Variants in XPO4 observed in about 807,000 individuals in gnomAD.
XPO4 encodes the protein exportin 4.
XPO4 carries 39 observed loss-of-function variants against 143.0 expected under a neutral mutation model. The ratio of observed to expected loss-of-function variants is 0.27; its 90% confidence interval spans 0.21 to 0.36. The LOEUF (loss-of-function observed/expected upper bound fraction) is 0.36, where lower values mean the gene tolerates loss of function less well. Among genes scored for constraint, XPO4 ranks in the 10% least tolerant of loss-of-function variants. The pLI is 1.00. For missense variants in XPO4, 907 were observed against 1,348.0 expected (o/e 0.67, Z 5.12); for synonymous variants, 439 against 474.0 (o/e 0.93, Z 0.96).
chr13:20,884,154 C>T lies in XPO4; in HGVS notation c.70-15453G>A, dbSNP rs766400300. Among the ~76,000 whole-genome samples, 74 of 152,110 alleles carry T rather than the reference C, an allele frequency of 4.9e-4. 1 individual carries two copies. Among genetic ancestry groups the T allele is most frequent in the Non-Finnish European group, 9.0e-4 (61 of 68,028 alleles). Reference sequence around the variant, plus strand: ...CTTTGGGAGGCGGAGGCAGGAGGATCGCTTAAGCCCAGGAGTTCAAGACTG... The same window carrying T: ...CTTTGGGAGGCGGAGGCAGGAGGATTGCTTAAGCCCAGGAGTTCAAGACTG... On this transcript the variant is annotated intron_variant, in intron 1 of 22. Transcript: ENST00000255305.
rs936537932 is a variant in XPO4 at position 20,797,115 on chromosome 13, G to A, written c.2323-58C>T. 8.7e-5 allele frequency: 127 copies of A among 1,464,744 alleles called. 1 individual carries two copies. In the Admixed American group the frequency reaches 2.9e-3, roughly 34 times the overall value. The allele number at this position is 1,464,744 out of a possible 1,614,324, so 90.7% of individuals were successfully genotyped here. On this transcript the variant is annotated intron_variant, in intron 16 of 22. Transcript: ENST00000255305. ...TCAGTTCTCATGCTTTATTTCCTCT[G>A]CTTGGATACATATTCACTTTCCAAA...
At position 20,800,218 on chromosome 13, in the gene XPO4, A is replaced by G. The variant is rs2059413796; in HGVS notation, c.2085T>C (p.Ser695=). The G allele has an allele frequency of 6.2e-7, 1 of 1,614,082 alleles. No individual in the cohort carries two copies. Among genetic ancestry groups the G allele is most frequent in the African/African-American group, 1.3e-5 (1 of 74,946 alleles). ...CAGTGTCATTTGCAAGGTCCTGCTCACTACTCCAGACTGAGAGGTTACTGA... is the reference window on the plus strand; with the variant it reads ...CAGTGTCATTTGCAAGGTCCTGCTCGCTACTCCAGACTGAGAGGTTACTGA... ...KVISNLSVWS[S]EQDLANDTVQ... is the part of the protein sequence containing the mutation. The change falls in exon 15 of 23, where the codon AGT becomes AGC. Residue 695 remains serine (S), a synonymous_variant. Coordinates refer to ENST00000255305, the MANE Select transcript of XPO4 (RefSeq NM_022459.5).
At chr13:20,888,861 G>A (rs1404208546) in intron 1 of XPO4, among the ~76,000 whole-genome samples, 1 of 151,264 alleles carries the variant, frequency 6.6e-6, no homozygotes, top group Non-Finnish European at 1.5e-5. Flanking sequence ...GGAGTGCAAT[G>A]GTGCAATCTC....
chr13:20,838,071 G>A (rs957435197), intron 6 of XPO4, among the ~76,000 whole-genome samples: 5 of 152,022 alleles, frequency 3.3e-5, no homozygotes, highest in African/African-American at 7.2e-5. Flanking sequence ...GAGCCACTGC[G>A]CCCAGCCAAG....
At chr13:20,902,389 G>A (rs1427809739) in intron 1 of XPO4, 3 of 985,302 alleles carry the variant, frequency 3.0e-6, no homozygotes, top group Non-Finnish European at 3.6e-6. Flanking sequence ...GTGGGGCAGG[G>A]TGTAAGGTGA....
intron 1 of XPO4, among the ~76,000 whole-genome samples, chr13:20,901,332 T>A (rs2060618390): frequency 6.6e-6 from 1 of 152,154 alleles, no homozygotes; most frequent in Non-Finnish European, 1.5e-5. Flanking sequence ...GGACACTGAT[T>A]TTACCTGATC....
intron 1 of XPO4, among the ~76,000 whole-genome samples, chr13:20,886,329 C>CA (rs2060461102): frequency 6.6e-6 from 1 of 151,964 alleles, no homozygotes; most frequent in African/African-American, 2.4e-5. Context: ...ATGTATAAGC[C>CA]AGGCTGGGCG....
At chr13:20,872,444 C>G (rs2060307938) in intron 1 of XPO4, among the ~76,000 whole-genome samples, 2 of 152,166 alleles carry the variant, frequency 1.3e-5, no homozygotes, top group South Asian at 2.1e-4. Context: ...ACACCAGTGA[C>G]TTTATTTCTC....
At chr13:20,902,252 G>A (rs1174228297) in intron 1 of XPO4, 7 of 985,210 alleles carry the variant, frequency 7.1e-6, no homozygotes, top group Non-Finnish European at 8.4e-6. Context: ...CACCCAGGCT[G>A]TGCCATCCAA....
chr13:20,829,204 T>C (rs1350988906), intron 6 of XPO4, among the ~76,000 whole-genome samples: 1 of 152,148 alleles, frequency 6.6e-6, no homozygotes, highest in Non-Finnish European at 1.5e-5. Flanking sequence ...GTGATCCTCC[T>C]GGCTCAGCCT....
chr13:20,892,730 G>A (rs6490624), intron 1 of XPO4, among the ~76,000 whole-genome samples: 124,613 of 151,968 alleles, frequency 0.82, 51,271 homozygotes, highest in East Asian at 1. Context: ...CAAAAACATT[G>A]TAACATAGCC....
At chr13:20,862,380 G>C (rs1005807039) in intron 3 of XPO4, among the ~76,000 whole-genome samples, 2 of 152,086 alleles carry the variant, frequency 1.3e-5, no homozygotes, top group Admixed American at 1.3e-4. Flanking sequence ...TAAATAAAAG[G>C]TATTATTTCA....
chr13:20,831,876 G>A (rs2059857426), intron 6 of XPO4, among the ~76,000 whole-genome samples: 1 of 146,104 alleles, frequency 6.8e-6, no homozygotes, highest in Non-Finnish European at 1.5e-5. Context: ...AAGGGTTCCG[G>A]CAAGGGATCC....
intron 6 of XPO4, among the ~76,000 whole-genome samples, chr13:20,835,819 C>T (rs1484474237): frequency 6.6e-6 from 1 of 152,138 alleles, no homozygotes; most frequent in African/African-American, 2.4e-5. Context: ...TCTCTACTAT[C>T]ACTGAGACAG....
At chr13:20,893,449 G>A (rs868056144) in intron 1 of XPO4, among the ~76,000 whole-genome samples, 7 of 152,076 alleles carry the variant, frequency 4.6e-5, no homozygotes, top group East Asian at 3.9e-4. Context: ...AATGAAACAC[G>A]GTCTCCATGG....
chr13:20,874,759 C>T (rs1017401759), intron 1 of XPO4, among the ~76,000 whole-genome samples: 8 of 152,214 alleles, frequency 5.3e-5, no homozygotes, highest in African/African-American at 1.2e-4. Flanking sequence ...TTTGGGAGGC[C>T]GAGGCGGGTG....
At chr13:20,855,258 C>T (rs142910580) in intron 4 of XPO4, among the ~76,000 whole-genome samples, 17 of 152,190 alleles carry the variant, frequency 1.1e-4, no homozygotes, top group African/African-American at 4.1e-4. Flanking sequence ...GAGTTTGAGA[C>T]GAGCCTGACC....
At chr13:20,882,624 A>T (rs2060423141) in intron 1 of XPO4, among the ~76,000 whole-genome samples, 1 of 152,156 alleles carries the variant, frequency 6.6e-6, no homozygotes, top group Non-Finnish European at 1.5e-5. Context: ...GCAGTGGCTC[A>T]TGCTTGTAAT....
At chr13:20,882,046 G>C (rs933142474) in intron 1 of XPO4, among the ~76,000 whole-genome samples, 5 of 149,398 alleles carry the variant, frequency 3.3e-5, no homozygotes, top group African/African-American at 1.2e-4. Context: ...GAAGGTAGAG[G>C]TTGCAGTGAG....
Sources: allele counts gnomAD v4.1 joint callset (sites outside exome capture counted in the v4.1 genomes callset), GRCh38; gene constraint gnomAD v4.1.1; transcripts MANE v1.5; gene names NCBI Gene and HGNC (gene_info 2026-07-23, HGNC 2026-07-21).